CCNY: variants seen among roughly 807,000 people sequenced by gnomAD.
CCNY encodes the protein cyclin Y.
CCNY carries 19 observed loss-of-function variants against 42.8 expected under a neutral mutation model. That is an observed-to-expected ratio of 0.44 (90% confidence interval 0.31 to 0.65). The LOEUF (loss-of-function observed/expected upper bound fraction) is 0.65. Among genes scored for constraint, CCNY ranks in the 30% least tolerant of loss-of-function variants. CCNY has a pLI of 0.07. For missense variants in CCNY, 370 were observed against 437.3 expected (o/e 0.85, Z 1.37); for synonymous variants, 165 against 162.7 (o/e 1.01, Z -0.11).
At chr10:35,554,260 G>A (rs1300650049) in intron 8 of CCNY, among the ~76,000 whole-genome samples, 1 of 152,070 alleles carries the variant, frequency 6.6e-6, no homozygotes, top group Non-Finnish European at 1.5e-5. Context: ...TGACTCCCCA[G>A]GCACCCATTG....
At chr10:35,355,078 C>G (rs1475931217) in intron 1 of CCNY, among the ~76,000 whole-genome samples, 1 of 152,122 alleles carries the variant, frequency 6.6e-6, no homozygotes, top group Non-Finnish European at 1.5e-5. Context: ...AGTGGGATGG[C>G]TCCCCCTATG....
At chr10:35,430,892 G>T (rs1013400061) in intron 1 of CCNY, among the ~76,000 whole-genome samples, 6 of 152,022 alleles carry the variant, frequency 3.9e-5, no homozygotes, top group African/African-American at 1.4e-4. Flanking sequence ...CGATCCGCGG[G>T]TGGATCACAA....
At chr10:35,331,090 A>C (rs1035194553) in intron 3 of CCNY, among the ~76,000 whole-genome samples, 2 of 152,156 alleles carry the variant, frequency 1.3e-5, no homozygotes, top group African/African-American at 4.8e-5. Context: ...CTTTTCTGGA[A>C]GCGTCCACTC....
At chr10:35,352,157 T>A (rs1836443117) in intron 1 of CCNY, among the ~76,000 whole-genome samples, 1 of 152,320 alleles carries the variant, frequency 6.6e-6, no homozygotes, top group South Asian at 2.1e-4. Context: ...AAAGCTGTAT[T>A]TAAAATTTTT....
intron 3 of CCNY, among the ~76,000 whole-genome samples, chr10:35,324,895 T>A (rs1835861764): frequency 6.6e-6 from 1 of 152,218 alleles, no homozygotes; most frequent in Admixed American, 6.5e-5. Context: ...GAATAATAGT[T>A]ATTTGTGCAC....
chr10:35,251,337 A>G (rs1240436349), intron 3 of CCNY, among the ~76,000 whole-genome samples: 1 of 152,230 alleles, frequency 6.6e-6, no homozygotes, highest in Non-Finnish European at 1.5e-5. Context: ...TACAAAATGT[A>G]CAAATGAAAT....
chr10:35,459,093 G>A (rs1451898967), intron 1 of CCNY, among the ~76,000 whole-genome samples: 1 of 152,166 alleles, frequency 6.6e-6, no homozygotes, highest in Admixed American at 6.5e-5. Flanking sequence ...TTGTAAAAAA[G>A]CTTATTTTAA....
intron 1 of CCNY, among the ~76,000 whole-genome samples, chr10:35,427,080 G>A (rs1838288783): frequency 1.3e-5 from 2 of 152,140 alleles, no homozygotes; most frequent in African/African-American, 4.8e-5. Context: ...TTTAATATTT[G>A]GGGGCTTTAA....
upstream of CCNY, among the ~76,000 whole-genome samples, chr10:35,334,105 G>A (rs1049714838): frequency 2.1e-4 from 32 of 151,954 alleles, no homozygotes; most frequent in African/African-American, 7.5e-4. Flanking sequence ...CTTTGTTAAG[G>A]GTATGTGGCT....
chr10:35,492,275 G>T (rs1006225410), intron 2 of CCNY, among the ~76,000 whole-genome samples: 2 of 152,176 alleles, frequency 1.3e-5, no homozygotes, highest in Non-Finnish European at 2.9e-5. Flanking sequence ...GGCCTGAGAG[G>T]CCATCATCTG....
At chr10:35,484,491 C>T (rs746081902) in intron 2 of CCNY, among the ~76,000 whole-genome samples, 1 of 152,008 alleles carries the variant, frequency 6.6e-6, no homozygotes, top group Non-Finnish European at 1.5e-5. Context: ...TTAGTATAGG[C>T]ATCTAGTATT....
chr10:35,530,166 CAGA>C lies in CCNY; in HGVS notation c.505_507del (p.Lys169del). 6.2e-7 allele frequency: 1 copy of C among 1,614,228 alleles called. No homozygotes were observed. The highest frequency in any genetic ancestry group is 8.5e-7 in the Non-Finnish European group (1 of 1,180,042). On this transcript the variant is annotated inframe_deletion, in exon 7 of 10. Coordinates refer to ENST00000374704, the MANE Select transcript of CCNY (RefSeq NM_145012.6). This position sits in a 1 kb window ranked among gnomAD's most constrained non-coding sequence, Gnocchi z 4.3. ...AGATTATGACAAACACAACCCAGAG[CAGA>C]AGCAGATTTACCGGTTCGTTCGGAC...
chr10:35,335,242 C>T (rs745758405), upstream of CCNY, among the ~76,000 whole-genome samples: 2 of 152,120 alleles, frequency 1.3e-5, no homozygotes, highest in Non-Finnish European at 2.9e-5. Flanking sequence ...TACTTCTCTC[C>T]CAGCCAGGCA....
chr10:35,487,045 A>T (rs570330093), intron 2 of CCNY, among the ~76,000 whole-genome samples: 46 of 152,342 alleles, frequency 3.0e-4, no homozygotes, highest in African/African-American at 1.1e-3. Flanking sequence ...GGATCATGTG[A>T]TATTGGATGT....
chr10:35,265,604 G>A (rs895665137), intron 3 of CCNY, among the ~76,000 whole-genome samples: 2 of 152,264 alleles, frequency 1.3e-5, no homozygotes, highest in Non-Finnish European at 2.9e-5. Flanking sequence ...AGCAGCGAGA[G>A]GCCCACGCCA....
intron 1 of CCNY, among the ~76,000 whole-genome samples, chr10:35,438,622 C>A (rs774156556): frequency 6.6e-6 from 1 of 152,062 alleles, no homozygotes; most frequent in South Asian, 2.1e-4. Flanking sequence ...ATGTAATTGT[C>A]GTAAATGTTT....
intron 3 of CCNY, among the ~76,000 whole-genome samples, chr10:35,270,052 C>T (rs1835144584): frequency 6.6e-6 from 1 of 152,168 alleles, no homozygotes; most frequent in Admixed American, 6.6e-5. Flanking sequence ...CCTAAGACCT[C>T]ATCAGAATGA....
At chr10:35,443,067 A>C (rs1838709257) in intron 1 of CCNY, among the ~76,000 whole-genome samples, 1 of 152,218 alleles carries the variant, frequency 6.6e-6, no homozygotes, top group South Asian at 2.1e-4. Flanking sequence ...TACGGTATAG[A>C]AGATAAAAAA....
intron 3 of CCNY, among the ~76,000 whole-genome samples, chr10:35,256,544 CAG>C (rs2095715609): frequency 1.3e-5 from 2 of 151,944 alleles, no homozygotes; most frequent in Non-Finnish European, 2.9e-5. Context: ...CCAGCCTGGC[CAG>C]GATGGTGAAA....
Sources: gnomAD v4.1 joint callset for allele counts (sites outside exome capture counted in the v4.1 genomes callset) on GRCh38, gnomAD v4.1.1 for gene constraint, Gnocchi (gnomAD v3.1) non-coding constraint, MANE v1.5 for transcripts, NCBI Gene and HGNC (gene_info 2026-07-23, HGNC 2026-07-21) for gene names.